The following CTNNA3 variants were observed in gnomAD, a reference collection of about 807,000 sequenced individuals.
CTNNA3 encodes catenin alpha-3.
Under a neutral mutation model 95.7 loss-of-function variants are expected in CTNNA3, and 76 were observed. That is an observed-to-expected ratio of 0.79 (90% CI 0.66 to 0.96). The LOEUF is 0.96. Ranked by LOEUF, CTNNA3 falls within the 40% of genes least tolerant of loss-of-function variation. CTNNA3 has a pLI of 0.00. For synonymous variants in CTNNA3, 431 were observed against 374.4 expected, an observed-to-expected ratio of 1.15 and a Z score of -1.74; for missense variants, 1,191 against 1,089.8, an observed-to-expected ratio of 1.09 and a Z score of -1.31.
intron 10 of CTNNA3, among the ~76,000 whole-genome samples, chr10:66,560,543 TG>T (rs1426706090): frequency 1.3e-5 from 2 of 152,118 alleles, no homozygotes; most frequent in African/African-American, 4.8e-5. Flanking sequence ...TGTTTTATCA[TG>T]ACTTTTTTGT....
chr10:66,031,936 T>C (rs1204379559), intron 15 of CTNNA3, among the ~76,000 whole-genome samples: 1 of 152,182 alleles, frequency 6.6e-6, no homozygotes, highest in African/African-American at 2.4e-5. Context: ...TTTAAAGTTA[T>C]AGAAGTAGCT....
chr10:66,901,795 T>C (rs1243959782), intron 7 of CTNNA3, among the ~76,000 whole-genome samples: 1 of 152,112 alleles, frequency 6.6e-6, no homozygotes, highest in African/African-American at 2.4e-5. Context: ...CATTACATAA[T>C]GGTAAAGGGA....
intron 11 of CTNNA3, among the ~76,000 whole-genome samples, chr10:66,481,475 T>G (rs977573347): frequency 1.3e-4 from 16 of 121,220 alleles, no homozygotes; most frequent in Non-Finnish European, 2.3e-4. Context: ...TTTTTTTTTT[T>G]TTTTTTTTTT....
intron 11 of CTNNA3, among the ~76,000 whole-genome samples, chr10:66,518,867 ATAAAG>A (rs1208170045): frequency 6.6e-6 from 1 of 152,026 alleles, no homozygotes; most frequent in African/African-American, 2.4e-5. Context: ...TTCTATAAAA[ATAAAG>A]TAGTTTAAAA....
At chr10:66,003,348 G>A (rs2078808981) in intron 15 of CTNNA3, among the ~76,000 whole-genome samples, 1 of 151,536 alleles carries the variant, frequency 6.6e-6, no homozygotes, top group South Asian at 2.1e-4. Flanking sequence ...GTGTGTGTGT[G>A]GAGAGAGAGA....
intron 13 of CTNNA3, among the ~76,000 whole-genome samples, chr10:66,123,045 C>A (rs1358923808): frequency 6.6e-6 from 1 of 152,154 alleles, no homozygotes; most frequent in African/African-American, 2.4e-5. Flanking sequence ...AAAAACCAAT[C>A]ATGCCTTCCC....
At chr10:66,034,551 T>C (rs983383137) in intron 15 of CTNNA3, among the ~76,000 whole-genome samples, 5 of 152,204 alleles carry the variant, frequency 3.3e-5, no homozygotes, top group Non-Finnish European at 4.4e-5. Context: ...TTTATTTAGA[T>C]GATTCAAAAG....
intron 12 of CTNNA3, among the ~76,000 whole-genome samples, chr10:66,297,514 C>G (rs1031382117): frequency 2.0e-5 from 3 of 152,134 alleles, no homozygotes; most frequent in Non-Finnish European, 2.9e-5. Flanking sequence ...CTTTTGCCCT[C>G]TCTTCTGAGA....
chr10:66,891,584 C>G (rs945929618), intron 7 of CTNNA3, among the ~76,000 whole-genome samples: 2 of 152,130 alleles, frequency 1.3e-5, no homozygotes, highest in African/African-American at 2.4e-5. Flanking sequence ...ATGTCATAAG[C>G]TGCTTCTGTA....
chr10:66,295,520 G>T (rs2091764049), intron 12 of CTNNA3, among the ~76,000 whole-genome samples: 1 of 152,114 alleles, frequency 6.6e-6, no homozygotes, highest in Admixed American at 6.6e-5. Context: ...GCACATGTAG[G>T]GGGCTGGGAC....
intron 7 of CTNNA3, among the ~76,000 whole-genome samples, chr10:66,792,671 C>T (rs1383995526): frequency 6.6e-6 from 1 of 152,114 alleles, no homozygotes; most frequent in East Asian, 1.9e-4. Flanking sequence ...AATCAAAAGT[C>T]AATTACCACT....
intron 7 of CTNNA3, among the ~76,000 whole-genome samples, chr10:66,954,197 T>C (rs1848678476): frequency 6.6e-6 from 1 of 152,220 alleles, no homozygotes; most frequent in African/African-American, 2.4e-5. Context: ...TATAGATTTT[T>C]CTTAATACAT....
intron 7 of CTNNA3, among the ~76,000 whole-genome samples, chr10:67,048,730 A>T (rs188490822): frequency 6.6e-6 from 1 of 152,232 alleles, no homozygotes; most frequent in East Asian, 1.9e-4. Flanking sequence ...TGATAAAATG[A>T]GCAAAGTGAG....
chr10:66,988,647 T>G (rs952912225), intron 7 of CTNNA3, among the ~76,000 whole-genome samples: 1 of 152,138 alleles, frequency 6.6e-6, no homozygotes, highest in Non-Finnish European at 1.5e-5. Flanking sequence ...TGCTTCTGAT[T>G]GCCAAAACCA....
rs1372726655 is a variant in CTNNA3 at position 66,520,749 on chromosome 10, C to A, written c.1399G>T (p.Ala467Ser). The change falls in exon 11 of 18, where the codon GCT (alanine) becomes TCT (serine). Residue 467 changes from alanine (A) to serine (S), a missense_variant. Physicochemically the swap from Ala to Ser is moderately conservative, Grantham distance 99 (BLOSUM62 1). Transcript: ENST00000433211. ...PQIINAALAL[A>S]ARPKSQAVKN... The stretch of plus-strand genomic sequence containing the variant: ...ACCGCTTGACTTTTGGGTCTTGCAG[C>A]CAAAGCAAGTGCAGCATTAATAATC... The A allele has an allele frequency of 4.3e-6, 7 of 1,612,310 alleles. No individual in the cohort carries two copies. Among genetic ancestry groups the A allele is most frequent in the Non-Finnish European group, 5.9e-6 (7 of 1,179,230 alleles).
intron 15 of CTNNA3, among the ~76,000 whole-genome samples, chr10:66,021,184 C>T (rs2133424741): frequency 6.6e-6 from 1 of 152,192 alleles, no homozygotes; most frequent in Admixed American, 6.5e-5. Context: ...TTGCACACCC[C>T]GAAACATCGA....
intron 13 of CTNNA3, among the ~76,000 whole-genome samples, chr10:66,105,717 A>C (rs534465660): frequency 1.3e-5 from 2 of 152,336 alleles, no homozygotes; most frequent in South Asian, 4.1e-4. Flanking sequence ...GCAAAGCTAC[A>C]AAAACTGACC....
chr10:67,300,689 T>G (rs898231311), intron 5 of CTNNA3, among the ~76,000 whole-genome samples: 3 of 152,234 alleles, frequency 2.0e-5, no homozygotes, highest in Non-Finnish European at 4.4e-5. Flanking sequence ...TATTAAACCC[T>G]AAATTCCAGG....
intron 12 of CTNNA3, among the ~76,000 whole-genome samples, chr10:66,369,085 T>C (rs1157016823): frequency 6.6e-6 from 1 of 152,136 alleles, no homozygotes; most frequent in Non-Finnish European, 1.5e-5. Flanking sequence ...CAGAATATAT[T>C]ACATTTTGCA....
Sources: gnomAD v4.1 joint callset for allele counts (sites outside exome capture counted in the v4.1 genomes callset) on GRCh38, gnomAD v4.1.1 for gene constraint, MANE v1.5 for transcripts, NCBI Gene and HGNC (gene_info 2026-07-23, HGNC 2026-07-21) for gene names.